The following COQ8A variants were observed in gnomAD, a reference collection of about 807,000 sequenced individuals.
COQ8A encodes the protein atypical kinase COQ8A, mitochondrial.
Under a neutral mutation model 65.0 loss-of-function variants are expected in COQ8A, and 51 were observed. The ratio of observed to expected loss-of-function variants is 0.78; its 90% CI spans 0.63 to 0.99. The LOEUF is 0.99. Ranked by LOEUF, COQ8A falls within the 50% of genes least tolerant of loss-of-function variation. The pLI, the probability that COQ8A is intolerant of heterozygous loss-of-function variation, is 0.00. For synonymous variants in COQ8A, 371 were observed against 353.2 expected (o/e 1.05, Z -0.57); for missense variants, 940 against 875.0 (o/e 1.07, Z -0.94).
intron 8 of COQ8A, chr1:226,983,304 GGCCAGA>G: frequency 1.5e-6 from 1 of 661,544 alleles, no homozygotes; most frequent in Non-Finnish European, 2.6e-6. Flanking sequence ...TGCTTTTTGG[GGCCAGA>G]GCTGGTGGGA....
At chr1:226,945,503 A>G (rs953270114) in intron 1 of COQ8A, among the ~76,000 whole-genome samples, 4 of 152,228 alleles carry the variant, frequency 2.6e-5, no homozygotes, top group Admixed American at 6.5e-5. Flanking sequence ...GGTAAAAGTA[A>G]GAGTCGATTG....
chr1:226,984,032 TG>T (rs1659897862), intron 10 of COQ8A, 61 bp from the exon 11 acceptor site: 6 of 1,384,060 alleles, frequency 4.3e-6, no homozygotes, highest in African/African-American at 3.8e-5. Flanking sequence ...GGGGGGTGTG[TG>T]TGGGGGGGGG....
At position 226,986,761 on chromosome 1, in the gene COQ8A, G is replaced by C. The variant is rs776250137; in HGVS notation, c.*24G>C. 1.9e-6 allele frequency: 3 copies of C among 1,606,728 alleles called. No individual in the cohort carries two copies. The highest frequency in any genetic ancestry group is 2.5e-6 in the Non-Finnish European group (3 of 1,178,808). ...AGGGCTGCGGGCCACGCCCAGGCCG[G>C]CTCCGCGGGAACTCTCTCCCTCAGA... On this transcript the variant is annotated 3_prime_UTR_variant, in exon 15 of 15. Transcript: ENST00000366777.
intron 4 of COQ8A, among the ~76,000 whole-genome samples, chr1:226,969,782 G>T (rs1658779692): frequency 6.6e-6 from 1 of 151,952 alleles, no homozygotes; most frequent in Admixed American, 6.6e-5. Flanking sequence ...TTTAAGTGTA[G>T]ACTGATAATC....
chr1:226,947,221 T>C (rs1039295553), intron 1 of COQ8A, among the ~76,000 whole-genome samples: 7 of 152,232 alleles, frequency 4.6e-5, no homozygotes, highest in African/African-American at 7.2e-5. Context: ...TCTTCTCTGC[T>C]ATCTCTCAGC....
chr1:226,984,604 G>A lies in COQ8A; in HGVS notation c.1455G>A (p.Met485Ile). 6.2e-7 allele frequency: 1 copy of A among 1,614,178 alleles called. No individual in the cohort carries two copies. The highest frequency in any genetic ancestry group is 1.1e-5 in the South Asian group (1 of 91,086). Residue 485 changes from methionine to isoleucine, a missense_variant, in exon 12 of 15, where the codon ATG (methionine) becomes ATA (isoleucine). Physicochemically the swap from Met to Ile is conservative, Grantham distance 10. Transcript: ENST00000366777. ...GGGAGCTGTTCGAGTTCCACTTCATGCAAACAGACCCCAACTGGTCCAACT... is the reference window on the plus strand; with the variant it reads ...GGGAGCTGTTCGAGTTCCACTTCATACAAACAGACCCCAACTGGTCCAACT... ...CLRELFEFHF[M>I]QTDPNWSNFF...
chr1:226,984,267 G>C, intron 11 of COQ8A, 32 bp downstream of exon 11: 6 of 1,611,976 alleles, frequency 3.7e-6, no homozygotes, highest in Non-Finnish European at 5.1e-6. Context: ...GGTGGGGCCA[G>C]GGTGGCCCTG....
Position 226,946,017 on chromosome 1 carries a change from TG to T in COQ8A, c.-10+5621del, listed in dbSNP as rs1657021412. On this transcript the variant is annotated intron_variant, in intron 1 of 14. Transcript: ENST00000366777. This position sits in a 1 kb window ranked among gnomAD's most constrained non-coding sequence, Gnocchi z 5.3. ...GCCTCCTCGGTGGTCTCTTCAGTCC[TG>T]GGCTCTCGATGAGGGAGCTCAGGAA... 2.0e-5 allele frequency among the ~76,000 whole-genome samples: 3 copies of T among 152,208 alleles called. No homozygotes were observed. The South Asian group carries it at 6.2e-4, about 31-fold the overall frequency.
Position 226,987,190 on chromosome 1 carries a change from C to T in COQ8A, c.*453C>T, listed in dbSNP as rs902369059. On this transcript the variant is annotated 3_prime_UTR_variant, in exon 15 of 15. Transcript: ENST00000366777. Reference sequence around the variant, plus strand: ...TGAGATTTGTGTTTTCTGCCCTTTTCCTCTCCAGCCGATGGGCTGGAGCTG... The same window carrying T: ...TGAGATTTGTGTTTTCTGCCCTTTTTCTCTCCAGCCGATGGGCTGGAGCTG... 1 of 189,132 alleles carries T rather than the reference C, an allele frequency of 5.3e-6. No homozygotes were observed. Among genetic ancestry groups the T allele is most frequent in the Admixed American group, 5.5e-5 (1 of 18,318 alleles). The allele number at this position is 189,132 out of a possible 1,614,324, so 11.7% of individuals were successfully genotyped here. A position where few individuals can be genotyped will look rare whatever the true frequency, so the allele number is the denominator to read the frequency against.
chr1:226,984,655 G>C lies in COQ8A; in HGVS notation c.1506G>C (p.Lys502Asn), dbSNP rs764989642. 2 of 1,613,792 alleles carry C rather than the reference G, an allele frequency of 1.2e-6. No homozygotes were observed. Among genetic ancestry groups the C allele is most frequent in the Non-Finnish European group, 1.7e-6 (2 of 1,179,662 alleles). ...TCTTCTATGACCCCCAGCAGCACAA[G>C]GTGAGCCCCAGGGTGGGGGCACCCG... is the stretch of plus-strand genomic sequence containing the variant. ...SNFFYDPQQHKVALLDFGATR... is the reference protein window; with the variant it reads ...SNFFYDPQQHNVALLDFGATR... The change falls in exon 12 of 15, where the codon AAG becomes AAC. Residue 502 changes from lysine (K) to asparagine (N), a missense_variant and splice_region_variant. Lys to Asn is a moderately conservative substitution (Grantham distance 94). Transcript: ENST00000366777.
In COQ8A at chr1:226,968,817, A is replaced by G. The variant is rs773093709; in HGVS notation, c.655+3080A>G. On this transcript the variant is annotated intron_variant, in intron 4 of 14. Transcript: ENST00000366777. ...GGGCGGGGCATGAGTCCTAAGTCCA[A>G]TTTGGCTATGGGACATTATGACTGT... 7.2e-5 allele frequency among the ~76,000 whole-genome samples: 11 copies of G among 152,150 alleles called. 1 individual carries two copies. The highest frequency in any genetic ancestry group is 2.6e-4 in the Admixed American group (4 of 15,278).
chr1:226,959,193 GT>G (rs1217469404), intron 1 of COQ8A, among the ~76,000 whole-genome samples: 1 of 152,196 alleles, frequency 6.6e-6, no homozygotes, highest in Non-Finnish European at 1.5e-5. Context: ...CCTTCTGGTA[GT>G]TATTCCCCTT....
In COQ8A at chr1:226,984,080, C is replaced by T. The variant is rs573246415; in HGVS notation, c.1257-14C>T. 3.0e-5 allele frequency: 49 copies of T among 1,613,102 alleles called. No individual in the cohort carries two copies. In the Admixed American group the frequency reaches 6.3e-4, roughly 21 times the overall value. ...GGGCCTGTGGCTAGGGCGTGACCTC[C>T]CTCCCCTACCCAGGGACCTGCTGAA... On this transcript the variant is annotated splice_polypyrimidine_tract_variant and intron_variant, in intron 10 of 14. Coordinates refer to ENST00000366777, the MANE Select transcript of COQ8A (RefSeq NM_020247.5).
chr1:226,965,000 G>C lies in COQ8A; in HGVS notation c.178G>C (p.Gly60Arg), dbSNP rs369252071. ...TAATGCTGGCCTTTGCTCCCTGCAG[G>C]GTCAGGATAAACATGAAGAATATTT... The part of the protein sequence containing the change: ...QIGMFLGKVQ[G>R]QDKHEEYFAE... Residue 60 changes from glycine (G) to arginine (R), a missense_variant and splice_region_variant, in exon 3 of 15, where the codon GGT (glycine) becomes CGT (arginine). By Grantham distance (125) the Gly-to-Arg change is moderately radical (BLOSUM62 -2). Coordinates refer to ENST00000366777, the MANE Select transcript of COQ8A (RefSeq NM_020247.5). The C allele has an allele frequency of 3.7e-6, 6 of 1,613,910 alleles. No individual in the cohort carries two copies. The Admixed American group carries it at 1.0e-4, about 27-fold the overall frequency.
chr1:226,959,366 G>T (rs559524440), intron 1 of COQ8A, among the ~76,000 whole-genome samples: 1 of 151,954 alleles, frequency 6.6e-6, no homozygotes, highest in African/African-American at 2.4e-5. Context: ...CCATGATTAT[G>T]CCTGTGAACA....
At position 226,949,130 on chromosome 1, in the gene COQ8A, G is replaced by T. The variant is rs540067195; in HGVS notation, c.-10+8731G>T. On this transcript the variant is annotated intron_variant, in intron 1 of 14. Coordinates refer to ENST00000366777, the MANE Select transcript of COQ8A (RefSeq NM_020247.5). The surrounding 1 kb of genome is among the most constrained non-coding windows in gnomAD (Gnocchi z 4.0). ...TTCAGACGTACAGAGATGAAGGGGCGAGCGGGCCTGCCTGAGAAAGTAGGA... is the reference window on the plus strand; with the variant it reads ...TTCAGACGTACAGAGATGAAGGGGCTAGCGGGCCTGCCTGAGAAAGTAGGA... Among the ~76,000 whole-genome samples, 2 of 151,884 alleles carry T rather than the reference G, an allele frequency of 1.3e-5. No individual in the cohort carries two copies. Among genetic ancestry groups the T allele is most frequent in the African/African-American group, 2.4e-5 (1 of 41,366 alleles).
intron 5 of COQ8A, among the ~76,000 whole-genome samples, chr1:226,979,499 C>G (rs1659563921): frequency 6.6e-6 from 1 of 152,040 alleles, no homozygotes; most frequent in African/African-American, 2.4e-5. Context: ...CTCTGGAGTT[C>G]TGGGCCAAGT....
intron 1 of COQ8A, among the ~76,000 whole-genome samples, chr1:226,957,761 G>A (rs527711341): frequency 5.3e-5 from 8 of 152,162 alleles, no homozygotes; most frequent in South Asian, 4.1e-4. Context: ...GTATCTGGCC[G>A]GTTAGACAGC....
chr1:226,962,942 A>G lies in COQ8A; in HGVS notation c.177+1380A>G, dbSNP rs1037866931. Reference sequence around the variant, plus strand: ...CTTGTCCCCTCCCAGCCTGGACTCCATGCTCTTGCCCTCCCCTTGCCTGAT... The same window carrying G: ...CTTGTCCCCTCCCAGCCTGGACTCCGTGCTCTTGCCCTCCCCTTGCCTGAT... On this transcript the variant is annotated intron_variant, in intron 2 of 14. Transcript: ENST00000366777. Among the ~76,000 whole-genome samples the G allele has an allele frequency of 4.0e-4, 61 of 152,190 alleles. 1 individual carries two copies. Among genetic ancestry groups the G allele is most frequent in the Admixed American group, 3.9e-3 (60 of 15,284 alleles).
Sources: gnomAD v4.1 joint callset for allele counts (sites outside exome capture counted in the v4.1 genomes callset) on GRCh38, gnomAD v4.1.1 for gene constraint, Gnocchi (gnomAD v3.1) non-coding constraint, MANE v1.5 for transcripts, NCBI Gene and HGNC (gene_info 2026-07-23, HGNC 2026-07-21) for gene names.